The following PRPF19 variants were observed in gnomAD, a reference collection of about 807,000 sequenced individuals.
PRPF19 encodes pre-mRNA-processing factor 19.
Under a neutral mutation model 64.2 loss-of-function variants are expected in PRPF19, and 2 were observed. The ratio of observed to expected loss-of-function variants is 0.03; its 90% CI spans 0.01 to 0.10. The LOEUF is 0.10. Ranked by LOEUF, PRPF19 falls within the 10% of genes least tolerant of loss-of-function variation. The probability of loss-of-function intolerance (pLI) is 1.00; values close to 1 mark genes in which losing one functional copy is unlikely to be tolerated. For synonymous variants in PRPF19, 226 were observed against 251.6 expected, an observed-to-expected ratio of 0.90 and a Z score of 0.96; for missense variants, 314 against 650.0, an observed-to-expected ratio of 0.48 and a Z score of 5.62.
At position 60,891,188 on chromosome 11, in the gene PRPF19, C is replaced by G. The variant is rs1251851887; in HGVS notation, c.1493G>C (p.Ser498Thr). Residue 498 changes from serine (S) to threonine (T), a missense_variant, in exon 16 of 16, where the codon AGC (serine) becomes ACC (threonine). By Grantham distance (58) the Ser-to-Thr change is moderately conservative. Around this residue, in one of 7 missense-constraint regions of PRPF19, gnomAD observed 47 missense variants for 94.5 expected, o/e 0.50. Transcript: ENST00000227524. The stretch of plus-strand genomic sequence containing the variant: ...GGCCTACAGGCTGTAGAACTTGAGG[C>G]TTCTGTCCATGCCTGTTGAAGCGAT... Reference protein sequence around the residue: ...KFIASTGMDRSLKFYSL With the variant: ...KFIASTGMDRTLKFYSL The G allele has an allele frequency of 1.3e-6, 2 of 1,592,772 alleles. No individual in the cohort carries two copies. Among genetic ancestry groups the G allele is most frequent in the Non-Finnish European group, 1.7e-6 (2 of 1,167,518 alleles).
chr11:60,900,797 C>A, intron 9 of PRPF19, 57 bp downstream of exon 9: 4 of 1,600,404 alleles, frequency 2.5e-6, no homozygotes, highest in African/African-American at 2.7e-5. Flanking sequence ...AAGGAGCATG[C>A]GCCTTCCCTG....
intron 1 of PRPF19, among the ~76,000 whole-genome samples, chr11:60,904,661 T>C (rs1285386193): frequency 6.6e-6 from 1 of 152,188 alleles, no homozygotes; most frequent in Non-Finnish European, 1.5e-5. Context: ...AGGATACAGA[T>C]GAAGAGGAGC....
chr11:60,904,111 A>G (rs1856016360), intron 1 of PRPF19, among the ~76,000 whole-genome samples: 1 of 152,136 alleles, frequency 6.6e-6, no homozygotes, highest in African/African-American at 2.4e-5. Context: ...GTCAACAAAT[A>G]ATTATTAACA....
chr11:60,904,270 A>G (rs1856017960), intron 1 of PRPF19, among the ~76,000 whole-genome samples: 1 of 152,364 alleles, frequency 6.6e-6, no homozygotes, highest in Middle Eastern at 3.4e-3. Context: ...ATCTTAGTCT[A>G]TAGCTCCAGA....
intron 10 of PRPF19, among the ~76,000 whole-genome samples, chr11:60,900,258 A>C (rs1359501748): frequency 6.6e-6 from 1 of 152,178 alleles, no homozygotes; most frequent in Non-Finnish European, 1.5e-5. Context: ...GTGTGAGTTG[A>C]GATTGTGTTG....
At position 60,900,845 on chromosome 11, in the gene PRPF19, G is replaced by A. The variant is rs762178076; in HGVS notation, c.718+9C>T. ...ACTTTGGCCTGCCGGGCTAGGCCCA[G>A]ACTCTCACCAGTGAGGATCTTGTTG... On this transcript the variant is annotated intron_variant, in intron 9 of 15. Transcript: ENST00000227524. The A allele has an allele frequency of 9.3e-6, 15 of 1,614,078 alleles. No individual in the cohort carries two copies. The highest frequency in any genetic ancestry group is 1.3e-5 in the Non-Finnish European group (15 of 1,180,026).
intron 11 of PRPF19, 88 bp from the exon 12 acceptor site, chr11:60,899,019 G>A: frequency 6.7e-7 from 1 of 1,498,874 alleles, no homozygotes; most frequent in Middle Eastern, 1.7e-4. Context: ...CCCCTGGTTT[G>A]GCAAACCCTG....
rs528382989 is a variant in PRPF19 at position 60,897,174 on chromosome 11, T to C, written c.1417+672A>G. On this transcript the variant is annotated intron_variant, in intron 15 of 15. Coordinates refer to ENST00000227524, the MANE Select transcript of PRPF19 (RefSeq NM_014502.5). ...ACCAGTGTACCATTTTAAAAAAATC[T>C]CTTATACCTTATTTTTACTGAACCT... is the stretch of plus-strand genomic sequence containing the variant. Among the ~76,000 whole-genome samples the C allele has an allele frequency of 1.9e-3, 296 of 152,324 alleles. 1 individual carries two copies. The highest frequency in any genetic ancestry group is 0.014 in the Middle Eastern group (4 of 294).
intron 15 of PRPF19, 82 bp from the exon 16 acceptor site, chr11:60,891,345 A>C: frequency 1.9e-6 from 2 of 1,036,070 alleles, no homozygotes; most frequent in Non-Finnish European, 1.5e-6. Flanking sequence ...CAGATTCCCA[A>C]ACAACCAGGC....
At chr11:60,901,178 G>C (rs957693357) in intron 8 of PRPF19, 117 bp downstream of exon 8, 16 of 1,195,158 alleles carry the variant, frequency 1.3e-5, no homozygotes, top group African/African-American at 3.1e-5. Flanking sequence ...AACAGCACCA[G>C]GAACAGCGCC....
At chr11:60,893,802 A>G (rs1855890864) in intron 15 of PRPF19, among the ~76,000 whole-genome samples, 1 of 152,048 alleles carries the variant, frequency 6.6e-6, no homozygotes, top group Non-Finnish European at 1.5e-5. Context: ...TAAAAATACA[A>G]AAATTAGCCG....
intron 15 of PRPF19, chr11:60,897,624 C>T: frequency 2.3e-6 from 1 of 436,588 alleles, no homozygotes; most frequent in Non-Finnish European, 4.1e-6. Flanking sequence ...CTTTAGTAAC[C>T]TGCCCAATGC....
Position 60,890,843 on chromosome 11 carries a change from A to C in PRPF19, c.*323T>G. The C allele has an allele frequency of 2.0e-6, 1 of 500,848 alleles. No homozygotes were observed. The highest frequency in any genetic ancestry group is 3.9e-6 in the Non-Finnish European group (1 of 256,172). 31.0% of individuals were successfully genotyped at this position (500,848 alleles called of 1,614,324 possible). A position where few individuals can be genotyped will look rare whatever the true frequency, so the allele number is the denominator to read the frequency against. On this transcript the variant is annotated 3_prime_UTR_variant, in exon 16 of 16. Transcript: ENST00000227524. ...GCTCAGCCTCTCCTGTCTCACAGGA[A>C]CTGCAACAAAATGGGTGTGGAACAG... is the stretch of plus-strand genomic sequence containing the variant.
chr11:60,898,883 T>A lies in PRPF19; in HGVS notation c.1033A>T (p.Thr345Ser). The change falls in exon 12 of 16, where the codon ACA becomes TCA. Residue 345 changes from threonine (T) to serine (S), a missense_variant. By Grantham distance (58) the Thr-to-Ser change is moderately conservative (BLOSUM62 1). Around this residue, in one of 7 missense-constraint regions of PRPF19, gnomAD observed 175 missense variants for 342.9 expected, o/e 0.51. Coordinates refer to ENST00000227524, the MANE Select transcript of PRPF19 (RefSeq NM_014502.5). The surrounding 1 kb of genome is among the most constrained non-coding windows in gnomAD (Gnocchi z 4.6). ...IQTGRVLTKV[T>S]DETSGCSLTC... Reference sequence around the variant, plus strand: ...TTACAGCAGCCGGAGGTCTCATCTGTCACCTTGGTGAGCACACGCCCTGTC... The same window carrying A: ...TTACAGCAGCCGGAGGTCTCATCTGACACCTTGGTGAGCACACGCCCTGTC... 1 of 1,605,800 alleles carries A rather than the reference T, an allele frequency of 6.2e-7. No homozygotes were observed.
chr11:60,901,028 CA>C, intron 8 of PRPF19, 99 bp from the exon 9 acceptor site: 1 of 1,372,590 alleles, frequency 7.3e-7, no homozygotes, highest in Non-Finnish European at 1.0e-6. Context: ...CCCATGTTCT[CA>C]GGGGAGCAAG....
In PRPF19 at chr11:60,890,847, CAACAAA is replaced by C. The variant is rs1219850436; in HGVS notation, c.*313_*318del. ...AGCCTCTCCTGTCTCACAGGAACTG[CAACAAA>C]ATGGGTGTGGAACAGCCACCACCAC... On this transcript the variant is annotated 3_prime_UTR_variant, in exon 16 of 16. Coordinates refer to ENST00000227524, the MANE Select transcript of PRPF19 (RefSeq NM_014502.5). 2.0e-6 allele frequency: 1 copy of C among 509,558 alleles called. No homozygotes were observed. Among genetic ancestry groups the C allele is most frequent in the Admixed American group, 2.3e-5 (1 of 44,108 alleles). 31.6% of individuals were successfully genotyped at this position (509,558 alleles called of 1,614,324 possible).
intron 15 of PRPF19, among the ~76,000 whole-genome samples, chr11:60,891,660 AAC>A (rs1482599883): frequency 6.6e-6 from 1 of 152,184 alleles, no homozygotes; most frequent in Non-Finnish European, 1.5e-5. Flanking sequence ...TCAGGCCCCT[AAC>A]ACAGAGCAGG....
At chr11:60,891,674 C>T (rs1436592003) in intron 15 of PRPF19, among the ~76,000 whole-genome samples, 2 of 152,154 alleles carry the variant, frequency 1.3e-5, no homozygotes, top group Non-Finnish European at 2.9e-5. Context: ...CAGAGCAGGA[C>T]CAGATAAGAG....
chr11:60,897,794 C>A, intron 15 of PRPF19, 52 bp downstream of exon 15: 1 of 1,514,646 alleles, frequency 6.6e-7, no homozygotes, highest in Non-Finnish European at 9.1e-7. Flanking sequence ...TGAGGCTTCC[C>A]TCCGGGCCTG....
Sources: gnomAD v4.1 joint callset for allele counts (sites outside exome capture counted in the v4.1 genomes callset) on GRCh38, gnomAD v4.1.1 for gene constraint, gnomAD v4.1.1 regional missense constraint, Gnocchi (gnomAD v3.1) non-coding constraint, MANE v1.5 for transcripts, NCBI Gene and HGNC (gene_info 2026-07-23, HGNC 2026-07-21) for gene names.